TMEM266: variants seen among roughly 807,000 people sequenced by gnomAD.
TMEM266 encodes Hv1 related protein 1.
In TMEM266, 33 loss-of-function variants were observed where a neutral mutation model predicts 50.5. The ratio of observed to expected loss-of-function variants is 0.65; its 90% CI spans 0.50 to 0.87. The LOEUF is 0.87. TMEM266 is among the 40% of genes least tolerant of loss of function. The probability of loss-of-function intolerance (pLI) is 0.00; values close to 1 mark genes in which losing one functional copy is unlikely to be tolerated. For missense variants in TMEM266, 655 were observed against 695.1 expected, an observed-to-expected ratio of 0.94 and a Z score of 0.65; for synonymous variants, 310 against 292.3, an observed-to-expected ratio of 1.06 and a Z score of -0.62.
chr15:76,167,503 GGT>G (rs944774003), intron 5 of TMEM266, among the ~76,000 whole-genome samples: 1 of 150,496 alleles, frequency 6.6e-6, no homozygotes, highest in Admixed American at 6.6e-5. Flanking sequence ...ATTATTATGT[GGT>G]GTGTGTGTGT....
chr15:76,194,556 G>A (rs1161584049), intron 9 of TMEM266, among the ~76,000 whole-genome samples: 2 of 152,182 alleles, frequency 1.3e-5, no homozygotes, highest in African/African-American at 2.4e-5. Flanking sequence ...ACAAACTAGA[G>A]AAGTGTATTG....
At chr15:76,165,527 G>A (rs1181740763) in intron 5 of TMEM266, among the ~76,000 whole-genome samples, 1 of 152,232 alleles carries the variant, frequency 6.6e-6, no homozygotes, top group African/African-American at 2.4e-5. Context: ...GAAAGGAGGA[G>A]GCTGAAGCTG....
rs1452452260 is a variant in TMEM266, at chr15:76,153,113, A to C, written c.228-3491A>C. ...TCCTGCAGCTTCCTAACCACCTGAT[A>C]TGGTTAGTAAGTTTCTCTAACAAAA... On this transcript the variant is annotated intron_variant, in intron 3 of 10. Transcript: ENST00000388942. This position sits in a 1 kb window ranked among gnomAD's most constrained non-coding sequence, Gnocchi z 4.2. Among the ~76,000 whole-genome samples, 2 of 144,646 alleles carry C rather than the reference A, an allele frequency of 1.4e-5. No individual in the cohort carries two copies. Among genetic ancestry groups the C allele is most frequent in the Non-Finnish European group, 3.0e-5 (2 of 66,630 alleles). The allele number at this position is 144,646 out of a possible 152,430, so 94.9% of individuals were successfully genotyped here. A position where few individuals can be genotyped will look rare whatever the true frequency, so the allele number is the denominator to read the frequency against.
In TMEM266 at chr15:76,110,124, C is replaced by T. The variant is rs750008456; in HGVS notation, c.-96-24044C>T. Among the ~76,000 whole-genome samples the T allele has an allele frequency of 5.9e-5, 9 of 151,860 alleles. No individual in the cohort carries two copies. The East Asian group carries it at 9.7e-4, about 16-fold the overall frequency. Reference sequence around the variant, plus strand: ...AAGCGATTCTCCTGCCTCAGCCTCCCGAGAAGCTGGGATTACAGGTGCACG... The same window carrying T: ...AAGCGATTCTCCTGCCTCAGCCTCCTGAGAAGCTGGGATTACAGGTGCACG... On this transcript the variant is annotated intron_variant, in intron 1 of 10. Transcript: ENST00000388942.
At chr15:76,193,029 G>C (rs1413646283) in intron 9 of TMEM266, among the ~76,000 whole-genome samples, 1 of 152,222 alleles carries the variant, frequency 6.6e-6, no homozygotes, top group African/African-American at 2.4e-5. Context: ...GGCAGGCTGA[G>C]CAGCTGGGGA....
chr15:76,063,164 T>C (rs573135880), intron 1 of TMEM266, among the ~76,000 whole-genome samples: 2 of 152,344 alleles, frequency 1.3e-5, no homozygotes, highest in Admixed American at 6.5e-5. Context: ...TCAGTCTCTG[T>C]TTCTTACTAT....
At chr15:76,133,077 C>T (rs2037536458) in intron 1 of TMEM266, among the ~76,000 whole-genome samples, 1 of 151,864 alleles carries the variant, frequency 6.6e-6, no homozygotes, top group South Asian at 2.1e-4. Flanking sequence ...TGCAGTGAGC[C>T]AAGATCGCAC....
At chr15:76,065,108 G>T (rs753166200) in intron 1 of TMEM266, among the ~76,000 whole-genome samples, 8 of 152,128 alleles carry the variant, frequency 5.3e-5, no homozygotes, top group African/African-American at 1.4e-4. Context: ...CCTAAAATTT[G>T]TTAGCTTTGC....
intron 1 of TMEM266, among the ~76,000 whole-genome samples, chr15:76,091,039 CAATT>C (rs1292929071): frequency 3.3e-5 from 5 of 151,956 alleles, no homozygotes; most frequent in African/African-American, 4.8e-5. Context: ...TACATATGTA[CAATT>C]ACATGTCAAC....
In TMEM266 at chr15:76,153,410, G is replaced by A. The variant is rs1427298265; in HGVS notation, c.228-3194G>A. ...TGAAGACGAGGCTTCCTGCTGGCCAGCCCAGGCAGATGGCCCTGGCAGCTG... is the reference window on the plus strand; with the variant it reads ...TGAAGACGAGGCTTCCTGCTGGCCAACCCAGGCAGATGGCCCTGGCAGCTG... On this transcript the variant is annotated intron_variant, in intron 3 of 10. Transcript: ENST00000388942. The surrounding 1 kb of genome is among the most constrained non-coding windows in gnomAD (Gnocchi z 4.2). Among the ~76,000 whole-genome samples, 2 of 152,136 alleles carry A rather than the reference G, an allele frequency of 1.3e-5. No individual in the cohort carries two copies. The highest frequency in any genetic ancestry group is 2.9e-5 in the Non-Finnish European group (2 of 68,040).
chr15:76,193,545 T>C (rs1433009630), intron 9 of TMEM266, among the ~76,000 whole-genome samples: 2 of 152,224 alleles, frequency 1.3e-5, no homozygotes, highest in Non-Finnish European at 2.9e-5. Flanking sequence ...TCTTCAGATC[T>C]TAGAAACATA....
In TMEM266 at chr15:76,153,276, G is replaced by A. The variant is rs1007245174; in HGVS notation, c.228-3328G>A. ...CTAGTGCTCCTGAATACAATGCTTCGTTTCATTCCCTACTCCCTTCAGGAC... is the reference window on the plus strand; with the variant it reads ...CTAGTGCTCCTGAATACAATGCTTCATTTCATTCCCTACTCCCTTCAGGAC... On this transcript the variant is annotated intron_variant, in intron 3 of 10. Coordinates refer to ENST00000388942, the MANE Select transcript of TMEM266 (RefSeq NM_152335.3). This position sits in a 1 kb window ranked among gnomAD's most constrained non-coding sequence, Gnocchi z 4.2. Among the ~76,000 whole-genome samples the A allele has an allele frequency of 1.3e-5, 2 of 152,154 alleles. No individual in the cohort carries two copies. Among genetic ancestry groups the A allele is most frequent in the South Asian group, 2.1e-4 (1 of 4,828 alleles).
intron 1 of TMEM266, among the ~76,000 whole-genome samples, chr15:76,072,649 T>C (rs1237273883): frequency 6.6e-6 from 1 of 151,728 alleles, no homozygotes. Flanking sequence ...TTTTCTTTCT[T>C]TTTTTTTGAG....
chr15:76,079,352 C>CA (rs59189205), intron 1 of TMEM266, among the ~76,000 whole-genome samples: 31 of 141,950 alleles, frequency 2.2e-4, no homozygotes, highest in East Asian at 6.2e-4. Context: ...GACACCATCT[C>CA]AAAAAAAAAA....
rs185780642 is a variant in TMEM266, at chr15:76,078,728, G to A, written c.-97+18712G>A. On this transcript the variant is annotated intron_variant, in intron 1 of 10. Coordinates refer to ENST00000388942, the MANE Select transcript of TMEM266 (RefSeq NM_152335.3). ...AGGGCTGGAGACTTCCTTCCCTAAA[G>A]GGAAGAACAACCTCAACTCGTGTAT... Among the ~76,000 whole-genome samples the A allele has an allele frequency of 1.6e-3, 243 of 152,264 alleles. 1 individual carries two copies. Among genetic ancestry groups the A allele is most frequent in the African/African-American group, 5.4e-3 (225 of 41,566 alleles).
At chr15:76,140,817 T>G (rs1483873966) in intron 3 of TMEM266, among the ~76,000 whole-genome samples, 1 of 151,432 alleles carries the variant, frequency 6.6e-6, no homozygotes, top group Non-Finnish European at 1.5e-5. Context: ...AGAGGATCAC[T>G]TGAGTCCAGG....
At chr15:76,151,767 C>G (rs780736381) in intron 3 of TMEM266, among the ~76,000 whole-genome samples, 19 of 152,268 alleles carry the variant, frequency 1.2e-4, no homozygotes, top group Non-Finnish European at 2.6e-4. Context: ...CACCTGGGAT[C>G]TCATTGAAAT....
At chr15:76,128,056 T>C (rs995160918) in intron 1 of TMEM266, among the ~76,000 whole-genome samples, 1 of 152,240 alleles carries the variant, frequency 6.6e-6, no homozygotes, top group Non-Finnish European at 1.5e-5. Context: ...CAGAAACACC[T>C]GGGAAACTTA....
intron 3 of TMEM266, among the ~76,000 whole-genome samples, chr15:76,140,580 C>T (rs764457201): frequency 3.9e-5 from 6 of 152,164 alleles, no homozygotes; most frequent in Admixed American, 2.0e-4. Flanking sequence ...CCCCGCTGCC[C>T]GCCTCCCAGT....
Sources: allele counts gnomAD v4.1 joint callset (sites outside exome capture counted in the v4.1 genomes callset), GRCh38; gene constraint gnomAD v4.1.1; non-coding constraint Gnocchi (gnomAD v3.1); transcripts MANE v1.5; gene names NCBI Gene and HGNC (gene_info 2026-07-23, HGNC 2026-07-21).